Variants in WDFY3 observed in about 807,000 individuals in gnomAD.
The protein encoded by WDFY3 is WD repeat and FYVE domain-containing protein 3.
WDFY3 carries 66 observed loss-of-function variants against 409.6 expected under a neutral mutation model. That is an observed-to-expected ratio of 0.16 (90% CI 0.13 to 0.20). The LOEUF is 0.20. WDFY3 is among the 10% of genes least tolerant of loss of function. The pLI is 1.00. For missense variants in WDFY3, 3,031 were observed against 4,298.1 expected (o/e 0.71, Z 8.24); for synonymous variants, 1,521 against 1,537.1 (o/e 0.99, Z 0.25).
intron 53 of WDFY3, among the ~76,000 whole-genome samples, chr4:84,706,132 T>C (rs1054703821): frequency 2.0e-5 from 3 of 152,178 alleles, no homozygotes; most frequent in Non-Finnish European, 4.4e-5. Flanking sequence ...TTGACCTAAT[T>C]CATATATTTA....
rs538787850 is a variant in WDFY3 at position 84,808,234 on chromosome 4, A to C, written c.2429+100T>G. The C allele has an allele frequency of 2.6e-5, 26 of 1,012,744 alleles. No homozygotes were observed. The East Asian group carries it at 3.3e-4, about 13-fold the overall frequency. The allele number at this position is 1,012,744 out of a possible 1,614,324, so 62.7% of individuals were successfully genotyped here. On this transcript the variant is annotated intron_variant, in intron 15 of 67. Coordinates refer to ENST00000295888, the MANE Select transcript of WDFY3 (RefSeq NM_014991.6). ...ACAAAACAAAACAAAACAAAAAAAA[A>C]CTGAAATCACAAAACACAATCAACA...
At chr4:84,751,317 G>A in intron 36 of WDFY3, 166 bp downstream of exon 36, 2 of 684,664 alleles carry the variant, frequency 2.9e-6, no homozygotes, top group Admixed American at 2.6e-5. Flanking sequence ...AACTGATAGG[G>A]TTTAAAGCAC....
intron 1 of WDFY3, among the ~76,000 whole-genome samples, chr4:84,952,786 T>C (rs1390431196): frequency 6.6e-6 from 1 of 152,000 alleles, no homozygotes; most frequent in Non-Finnish European, 1.5e-5. Flanking sequence ...AAGTGAAATA[T>C]ATAAATTACA....
chr4:84,793,791 T>G (rs1240616487), intron 21 of WDFY3, among the ~76,000 whole-genome samples: 1 of 152,214 alleles, frequency 6.6e-6, no homozygotes, highest in Non-Finnish European at 1.5e-5. Context: ...CCTTACAATC[T>G]AATTAAAAGA....
At position 84,805,431 on chromosome 4, in the gene WDFY3, T is replaced by G. The variant is rs1387865340; in HGVS notation, c.2430-1964A>C. On this transcript the variant is annotated intron_variant, in intron 15 of 67. Coordinates refer to ENST00000295888, the MANE Select transcript of WDFY3 (RefSeq NM_014991.6). ...ATTGCTGATATCTAAAACACGGTATTTATTAACTAAAATTAGGTGTATTAC... is the reference window on the plus strand; with the variant it reads ...ATTGCTGATATCTAAAACACGGTATGTATTAACTAAAATTAGGTGTATTAC... Among the ~76,000 whole-genome samples the G allele has an allele frequency of 3.9e-5, 6 of 152,256 alleles. No homozygotes were observed. The East Asian group carries it at 1.2e-3, about 29-fold the overall frequency.
At chr4:84,847,933 G>GAA (rs370861367) in intron 5 of WDFY3, among the ~76,000 whole-genome samples, 2 of 144,374 alleles carry the variant, frequency 1.4e-5, no homozygotes, top group African/African-American at 5.0e-5. Flanking sequence ...TGTCACAAAT[G>GAA]AAAAAAAAAA....
At chr4:84,773,510 T>C (rs954013132) in intron 29 of WDFY3, among the ~76,000 whole-genome samples, 1 of 152,126 alleles carries the variant, frequency 6.6e-6, no homozygotes, top group Non-Finnish European at 1.5e-5. Context: ...CCTGACTGTA[T>C]CACATTCGAA....
chr4:84,850,077 T>C, intron 4 of WDFY3, 52 bp from the exon 5 acceptor site: 2 of 1,529,554 alleles, frequency 1.3e-6, no homozygotes, highest in South Asian at 2.6e-5. Flanking sequence ...TTTTTCTTTT[T>C]ATTTTGTGAA....
At chr4:84,905,918 G>A (rs142949821) in intron 2 of WDFY3, among the ~76,000 whole-genome samples, 1 of 152,214 alleles carries the variant, frequency 6.6e-6, no homozygotes, top group East Asian at 1.9e-4. Flanking sequence ...CACCTCTCTT[G>A]ACAAGCCTTT....
intron 33 of WDFY3, 87 bp downstream of exon 33, chr4:84,756,839 C>A: frequency 7.6e-7 from 1 of 1,311,474 alleles, no homozygotes; most frequent in Non-Finnish European, 1.1e-6. Context: ...ATGGAATTGA[C>A]AGTTGGTTTT....
intron 17 of WDFY3, among the ~76,000 whole-genome samples, chr4:84,799,616 G>A (rs181742286): frequency 6.6e-6 from 1 of 151,880 alleles, no homozygotes; most frequent in Admixed American, 6.6e-5. Flanking sequence ...TTATCTGCAT[G>A]TATTCTTTAC....
intron 59 of WDFY3, 50 bp downstream of exon 59, chr4:84,692,835 T>G: frequency 1.3e-6 from 2 of 1,534,978 alleles, no homozygotes; most frequent in Non-Finnish European, 1.8e-6. Flanking sequence ...CTGGGATTAT[T>G]AACAATCCCA....
intron 2 of WDFY3, among the ~76,000 whole-genome samples, chr4:84,927,987 T>C (rs1194654202): frequency 6.6e-6 from 1 of 152,196 alleles, no homozygotes; most frequent in African/African-American, 2.4e-5. Context: ...TTGTTTAGAA[T>C]GATTGGGGTG....
At chr4:84,850,381 C>A (rs765483976) in intron 4 of WDFY3, among the ~76,000 whole-genome samples, 1 of 151,976 alleles carries the variant, frequency 6.6e-6, no homozygotes, top group African/African-American at 2.4e-5. Flanking sequence ...TGTAGTGGCA[C>A]GATTTTGGCT....
chr4:84,801,895 G>A, intron 16 of WDFY3, 31 bp from the exon 17 acceptor site: 1 of 1,597,374 alleles, frequency 6.3e-7, no homozygotes, highest in Non-Finnish European at 8.6e-7. Context: ...CACACAGTCA[G>A]GTCATTCTTA....
At position 84,690,719 on chromosome 4, in the gene WDFY3, C is replaced by A. The variant is rs904515615; in HGVS notation, c.9205-55G>T. 8.5e-6 allele frequency: 13 copies of A among 1,528,640 alleles called. No homozygotes were observed. The African/African-American group carries it at 1.7e-4, about 20-fold the overall frequency. 94.7% of individuals were successfully genotyped at this position (1,528,640 alleles called of 1,614,324 possible). ...ATGCCGTTAAGTACTATACAAACTT[C>A]TGAAACTCAAGGAGCAGAATTGAGT... On this transcript the variant is annotated intron_variant, in intron 60 of 67. Coordinates refer to ENST00000295888, the MANE Select transcript of WDFY3 (RefSeq NM_014991.6).
At chr4:84,965,275 A>G (rs1248937401) in intron 1 of WDFY3, among the ~76,000 whole-genome samples, 1 of 152,238 alleles carries the variant, frequency 6.6e-6, no homozygotes, top group Non-Finnish European at 1.5e-5. Context: ...TTTGGTGTTC[A>G]AACTACATAG....
intron 52 of WDFY3, 88 bp from the exon 53 acceptor site, chr4:84,709,116 G>C (rs1380765301): frequency 1.3e-6 from 2 of 1,523,992 alleles, no homozygotes; most frequent in African/African-American, 2.8e-5. Flanking sequence ...ATGATGTAAA[G>C]GACAGTTTCT....
intron 45 of WDFY3, 108 bp from the exon 46 acceptor site, chr4:84,724,702 C>T: frequency 8.1e-7 from 1 of 1,230,788 alleles, no homozygotes; most frequent in Non-Finnish European, 1.1e-6. Context: ...TTTAAAGGGG[C>T]TTTTCATAGA....
Sources: allele counts gnomAD v4.1 joint callset (sites outside exome capture counted in the v4.1 genomes callset), GRCh38; gene constraint gnomAD v4.1.1; transcripts MANE v1.5; gene names NCBI Gene and HGNC (gene_info 2026-07-23, HGNC 2026-07-21).